Variants in MEGF11 observed in about 807,000 individuals in gnomAD.
MEGF11 encodes multiple epidermal growth factor-like domains protein 11.
Under a neutral mutation model 146.6 loss-of-function variants are expected in MEGF11, and 126 were observed. The ratio of observed to expected loss-of-function variants is 0.86; its 90% CI spans 0.74 to 1.00. MEGF11 has a LOEUF of 1.00. MEGF11 is among the 50% of genes least tolerant of loss of function. MEGF11 has a pLI of 0.00. For synonymous variants in MEGF11, 532 were observed against 583.4 expected, an observed-to-expected ratio of 0.91 and a Z score of 1.27; for missense variants, 1,509 against 1,521.2, an observed-to-expected ratio of 0.99 and a Z score of 0.13.
At chr15:65,996,133 C>A (rs188023611) in intron 5 of MEGF11, among the ~76,000 whole-genome samples, 24 of 152,268 alleles carry the variant, frequency 1.6e-4, no homozygotes, top group Admixed American at 4.6e-4. Context: ...GAAGACACAT[C>A]CCCTCTTTGG....
chr15:66,164,091 C>G (rs947522714), intron 1 of MEGF11, among the ~76,000 whole-genome samples: 33 of 152,016 alleles, frequency 2.2e-4, no homozygotes, highest in African/African-American at 8.0e-4. Flanking sequence ...GTTGGATTTG[C>G]AGGGGTGGGG....
At chr15:65,950,622 CACACAA>C (rs770223487) in intron 10 of MEGF11, among the ~76,000 whole-genome samples, 1 of 102,468 alleles carries the variant, frequency 9.8e-6, no homozygotes, top group South Asian at 3.3e-4. Flanking sequence ...CACACACACA[CACACAA>C]AAGGAAATAA....
At chr15:66,011,989 T>C (rs2082724446) in intron 5 of MEGF11, among the ~76,000 whole-genome samples, 2 of 151,966 alleles carry the variant, frequency 1.3e-5, no homozygotes, top group South Asian at 4.2e-4. Context: ...ATCCCAATGC[T>C]GTGGGAGGCC....
Position 66,044,818 on chromosome 15 carries a change from A to G in MEGF11, c.394+49584T>C, listed in dbSNP as rs111451316. ...CAGTGAGCTATGATCACATCACTGC[A>G]CTGCAGCCTGGATGACAGTGAGACC... On this transcript the variant is annotated intron_variant, in intron 5 of 25. Coordinates refer to ENST00000395614, the MANE Select transcript of MEGF11 (RefSeq NM_001385028.1). 2.8e-3 allele frequency among the ~76,000 whole-genome samples: 391 copies of G among 141,704 alleles called. 2 individuals carry two copies. The highest frequency in any genetic ancestry group is 4.3e-3 in the Non-Finnish European group (290 of 66,770). 93.0% of individuals were successfully genotyped at this position (141,704 alleles called of 152,430 possible).
rs376840589 is a variant in MEGF11, at chr15:66,024,273, G to A, written c.395-41785C>T. On this transcript the variant is annotated intron_variant, in intron 5 of 25. Coordinates refer to ENST00000395614, the MANE Select transcript of MEGF11 (RefSeq NM_001385028.1). ...GAACAAGTCCCTCCATGGGGGCAGC[G>A]CCACCAGCTCCAGAATTCTGAACCT... Among the ~76,000 whole-genome samples the A allele has an allele frequency of 5.3e-4, 81 of 152,368 alleles. 1 individual carries two copies. In the East Asian group the frequency reaches 0.013, roughly 24 times the overall value.
At chr15:66,228,585 A>G (rs566879530) in intron 1 of MEGF11, among the ~76,000 whole-genome samples, 3 of 152,202 alleles carry the variant, frequency 2.0e-5, no homozygotes, top group African/African-American at 7.2e-5. Context: ...CCTACCCCAG[A>G]GAGAAGATGG....
At chr15:65,935,608 A>G (rs189611522) in intron 10 of MEGF11, among the ~76,000 whole-genome samples, 1 of 152,318 alleles carries the variant, frequency 6.6e-6, no homozygotes, top group East Asian at 1.9e-4. Context: ...AGAAGAGAAG[A>G]AACTCTTTGT....
chr15:65,899,526 T>G (rs2078440380), intron 24 of MEGF11, among the ~76,000 whole-genome samples: 1 of 152,196 alleles, frequency 6.6e-6, no homozygotes, highest in Non-Finnish European at 1.5e-5. Context: ...TTTCAATGAC[T>G]GAGAAGCTTA....
rs774906213 is a variant in MEGF11 at position 65,915,557 on chromosome 15, A to G, written c.2386T>C (p.Cys796Arg). 1 of 1,613,944 alleles carries G rather than the reference A, an allele frequency of 6.2e-7. No homozygotes were observed. The highest frequency in any genetic ancestry group is 1.1e-5 in the South Asian group (1 of 91,076). Reference sequence around the variant, plus strand: ...CAGGTGGAGTTGTTCATGCACTCACATAGCTGCTGACACCCATAGCCAAAG... The same window carrying G: ...CAGGTGGAGTTGTTCATGCACTCACGTAGCTGCTGACACCCATAGCCAAAG... ...GTFGYGCQQL[C>R]ECMNNSTCDH... Residue 796 changes from cysteine to arginine, a missense_variant, in exon 19 of 26, where the codon TGT becomes CGT. Physicochemically the swap from Cys to Arg is radical, Grantham distance 180. Coordinates refer to ENST00000395614, the MANE Select transcript of MEGF11 (RefSeq NM_001385028.1).
intron 24 of MEGF11, among the ~76,000 whole-genome samples, chr15:65,903,345 C>T (rs1264612272): frequency 6.6e-6 from 1 of 152,150 alleles, no homozygotes; most frequent in African/African-American, 2.4e-5. Flanking sequence ...GTTGCAGAAT[C>T]ACTGTGCTAG....
At chr15:66,222,172 T>G (rs2091753430) in intron 1 of MEGF11, among the ~76,000 whole-genome samples, 3 of 151,946 alleles carry the variant, frequency 2.0e-5, no homozygotes, top group Admixed American at 1.3e-4. Context: ...TGATGGCAAA[T>G]CTAAACCCAA....
rs1455037585 is a variant in MEGF11, at chr15:65,898,933, A to G, written c.3057T>C (p.Asp1019=). ...NTYIMDKGFK[D]YMKESVCSSS... ...AACTGCACACGGATTCTTTCATGTA[A>G]TCTGCAAGGCAAGAGACATTTCTTA... Residue 1019 remains aspartate, a splice_region_variant and synonymous_variant, in exon 25 of 26, where the codon GAT becomes GAC. Transcript: ENST00000395614. The G allele has an allele frequency of 2.5e-6, 4 of 1,613,702 alleles. No individual in the cohort carries two copies. Among genetic ancestry groups the G allele is most frequent in the Non-Finnish European group, 3.4e-6 (4 of 1,179,768 alleles).
At position 66,053,635 on chromosome 15, in the gene MEGF11, C is replaced by T. The variant is rs188115396; in HGVS notation, c.394+40767G>A. The stretch of plus-strand genomic sequence containing the variant: ...CTCATGGAGACATGGCCCAGACACT[C>T]TGGGAACCCTTGAAACCTAACACTA... On this transcript the variant is annotated intron_variant, in intron 5 of 25. Transcript: ENST00000395614. Among the ~76,000 whole-genome samples the T allele has an allele frequency of 1.8e-3, 268 of 151,460 alleles. 3 individuals are homozygous for T. The highest frequency in any genetic ancestry group is 5.9e-3 in the African/African-American group (243 of 41,254).
chr15:66,018,272 C>T (rs924138585), intron 5 of MEGF11, among the ~76,000 whole-genome samples: 4 of 152,230 alleles, frequency 2.6e-5, no homozygotes, highest in African/African-American at 9.6e-5. Context: ...CTAAGCAGGG[C>T]ACAGACCAGC....
chr15:66,042,268 C>T (rs2084017138), intron 5 of MEGF11, among the ~76,000 whole-genome samples: 1 of 152,102 alleles, frequency 6.6e-6, no homozygotes, highest in African/African-American at 2.4e-5. Flanking sequence ...CACCACCACA[C>T]CTGGCTAATT....
chr15:65,989,757 C>T (rs1352108033), intron 5 of MEGF11, among the ~76,000 whole-genome samples: 1 of 152,230 alleles, frequency 6.6e-6, no homozygotes, highest in Non-Finnish European at 1.5e-5. Context: ...CCTCTTTGGG[C>T]CTCTGTTTTT....
chr15:66,119,010 ACCTCCCCTCC>A, intron 4 of MEGF11, 66 bp downstream of exon 4: 1 of 782,744 alleles, frequency 1.3e-6, no homozygotes, highest in Non-Finnish European at 2.1e-6. Context: ...TATCAGCCCC[ACCTCCCCTCC>A]CCTCCCCTCC....
chr15:66,204,482 T>G (rs1448715192), intron 1 of MEGF11, among the ~76,000 whole-genome samples: 1 of 152,168 alleles, frequency 6.6e-6, no homozygotes, highest in Non-Finnish European at 1.5e-5. Flanking sequence ...GTGATACCAG[T>G]AGCAAACCTA....
chr15:65,943,126 C>T (rs1322607435), intron 10 of MEGF11, among the ~76,000 whole-genome samples: 1 of 151,734 alleles, frequency 6.6e-6, no homozygotes, highest in Non-Finnish European at 1.5e-5. Context: ...AGCTGGGAGG[C>T]ACATGCCACC....
Sources: gnomAD v4.1 joint callset for allele counts (sites outside exome capture counted in the v4.1 genomes callset) on GRCh38, gnomAD v4.1.1 for gene constraint, MANE v1.5 for transcripts, NCBI Gene and HGNC (gene_info 2026-07-23, HGNC 2026-07-21) for gene names.